CRISP1: variants seen among roughly 807,000 people sequenced by gnomAD.
CRISP1 encodes cysteine rich secretory protein 1.
A neutral mutation model predicts 33.1 loss-of-function variants in CRISP1; 44 were observed. The observed-to-expected ratio is 1.33, with a 90% CI of 1.05 to 1.71. CRISP1 has a LOEUF of 1.71. CRISP1 is among the 40% of genes most tolerant of loss of function. CRISP1 has a pLI of 0.00. For missense variants in CRISP1, 390 were observed against 301.2 expected, an observed-to-expected ratio of 1.29 and a Z score of -2.18; for synonymous variants, 103 against 98.7, an observed-to-expected ratio of 1.04 and a Z score of -0.26.
intron 1 of CRISP1, among the ~76,000 whole-genome samples, chr6:49,864,916 A>G (rs1212362076): frequency 1.3e-5 from 2 of 152,078 alleles, no homozygotes; most frequent in East Asian, 3.9e-4. Context: ...AAATCTAGCT[A>G]ATTTTTATTT....
In CRISP1 at chr6:49,838,427, A is replaced by G. The variant is rs750123837; in HGVS notation, c.622+10T>C. ...TTAACTGTAAACAAACAGAATGCAA[A>G]CAAACTTACTGCAAAGTTTGTCTTC... On this transcript the variant is annotated intron_variant, in intron 7 of 7. Transcript: ENST00000335847. 5.6e-6 allele frequency: 9 copies of G among 1,604,718 alleles called. No individual in the cohort carries two copies. The South Asian group carries it at 7.8e-5, about 14-fold the overall frequency.
At chr6:49,843,008 C>T (rs1023137909) in intron 5 of CRISP1, among the ~76,000 whole-genome samples, 2 of 152,096 alleles carry the variant, frequency 1.3e-5, no homozygotes, top group South Asian at 4.2e-4. Flanking sequence ...AAAGTGACAC[C>T]GATTCACTTT....
intron 7 of CRISP1, among the ~76,000 whole-genome samples, chr6:49,836,774 A>T (rs1280883017): frequency 1.3e-5 from 2 of 152,194 alleles, no homozygotes; most frequent in Non-Finnish European, 2.9e-5. Flanking sequence ...ACTACAGTAG[A>T]TTTATCAAGG....
At chr6:49,835,897 T>A (rs1770774444) in intron 7 of CRISP1, among the ~76,000 whole-genome samples, 1 of 152,200 alleles carries the variant, frequency 6.6e-6, no homozygotes, top group South Asian at 2.1e-4. Flanking sequence ...GCATATATAA[T>A]CTCTCCATCC....
intron 5 of CRISP1, among the ~76,000 whole-genome samples, chr6:49,845,385 A>T (rs1370319147): frequency 6.6e-6 from 1 of 152,194 alleles, no homozygotes; most frequent in Non-Finnish European, 1.5e-5. Context: ...TTAAGATCAT[A>T]GACTTCTAGG....
At chr6:49,863,966 A>G in intron 1 of CRISP1, among the ~76,000 whole-genome samples, 1 of 152,182 alleles carries the variant, frequency 6.6e-6, no homozygotes, top group Non-Finnish European at 1.5e-5. Flanking sequence ...AGTTTGATTG[A>G]TTTACAACTA....
At chr6:49,860,819 A>C (rs1771627150) in intron 1 of CRISP1, among the ~76,000 whole-genome samples, 1 of 152,072 alleles carries the variant, frequency 6.6e-6, no homozygotes, top group Admixed American at 6.5e-5. Flanking sequence ...GGATAAAAAA[A>C]TGTTGATTTT....
intron 5 of CRISP1, among the ~76,000 whole-genome samples, chr6:49,842,622 C>T (rs906930328): frequency 1.3e-5 from 2 of 152,164 alleles, no homozygotes; most frequent in African/African-American, 4.8e-5. Flanking sequence ...TGGGCTTACT[C>T]ACCTTCGCAT....
At chr6:49,848,420 T>A in intron 3 of CRISP1, 121 bp from the exon 4 acceptor site, 3 of 538,328 alleles carry the variant, frequency 5.6e-6, no homozygotes, top group South Asian at 3.2e-5. Context: ...GAAATTTAAA[T>A]AATGAGATTA....
At chr6:49,837,909 A>T (rs1453427817) in intron 7 of CRISP1, among the ~76,000 whole-genome samples, 1 of 152,082 alleles carries the variant, frequency 6.6e-6, no homozygotes, top group East Asian at 1.9e-4. Flanking sequence ...ATTAAAAAAA[A>T]AAAAGAGGCT....
At chr6:49,875,561 G>A (rs1772017221) in intron 1 of CRISP1, among the ~76,000 whole-genome samples, 1 of 151,804 alleles carries the variant, frequency 6.6e-6, no homozygotes, top group South Asian at 2.1e-4. Flanking sequence ...TAAAATGTAT[G>A]TAGAACCAAA....
chr6:49,877,024 T>A (rs1772051586), exon 1 of CRISP1: 1 of 151,852 alleles, frequency 6.6e-6, no homozygotes, highest in Admixed American at 6.6e-5. Context: ...CATGTACCAT[T>A]GAAGTTAAAA....
Position 49,842,698 on chromosome 6 carries a change from G to A in CRISP1, c.436-1703C>T, listed in dbSNP as rs183902129. Among the ~76,000 whole-genome samples the A allele has an allele frequency of 8.3e-4, 126 of 152,056 alleles. 1 individual carries two copies. Among genetic ancestry groups the A allele is most frequent in the Non-Finnish European group, 1.4e-3 (96 of 67,988 alleles). On this transcript the variant is annotated intron_variant, in intron 5 of 7. Transcript: ENST00000335847. ...TATTCTGCTACTTGCCCTTCCCTGC[G>A]CTCAGCTGCTTCTGATTTTTAGAAC...
At position 49,840,921 on chromosome 6, in the gene CRISP1, G is replaced by A; in HGVS notation, c.510C>T (p.Leu170=). 1 of 1,613,616 alleles carries A rather than the reference G, an allele frequency of 6.2e-7. No homozygotes were observed. The highest frequency in any genetic ancestry group is 8.5e-7 in the Non-Finnish European group (1 of 1,179,718). Reference sequence around the variant, plus strand: ...ACTCATGACAATAGTGACAAACGTAGAGATATCGAGGTGATCCTTGTTGGC... The same window carrying A: ...ACTCATGACAATAGTGACAAACGTAAAGATATCGAGGTGATCCTTGTTGGC... ...SCRQQGSPRY[L]YVCHYCHEGN... Residue 170 remains leucine, a synonymous_variant, in exon 6 of 8, where the codon CTC becomes CTT. Transcript: ENST00000335847.
Position 49,875,945 on chromosome 6 carries a change from T to TA in CRISP1, c.-3+1063dup, listed in dbSNP as rs377565898. Reference sequence around the variant, plus strand: ...GTCAAACCCCAAACTACAAAAACCCTAAAAAAAAATCTAGGCAACACCATT... The same window carrying TA: ...GTCAAACCCCAAACTACAAAAACCCTAAAAAAAAAATCTAGGCAACACCATT... On this transcript the variant is annotated intron_variant, in intron 1 of 7. Coordinates refer to the CRISP1 transcript ENST00000505118. 6.1e-4 allele frequency among the ~76,000 whole-genome samples: 92 copies of TA among 150,922 alleles called. No individual in the cohort carries two copies. In the East Asian group the frequency reaches 0.011, roughly 17 times the overall value.
At chr6:49,870,240 G>A (rs985995793), upstream of CRISP1, among the ~76,000 whole-genome samples, 1 of 152,128 alleles carries the variant, frequency 6.6e-6, no homozygotes, top group South Asian at 2.1e-4. Context: ...CAGTTAATTT[G>A]GAATTTGTGT....
chr6:49,857,188 A>G (rs1414379992), intron 2 of CRISP1, 147 bp downstream of exon 2: 2 of 656,326 alleles, frequency 3.0e-6, no homozygotes, highest in Non-Finnish European at 5.2e-6. Flanking sequence ...TAAGATGAGT[A>G]CTTGCCTAAC....
chr6:49,868,901 G>A (rs1376818974), upstream of CRISP1, among the ~76,000 whole-genome samples: 3 of 152,144 alleles, frequency 2.0e-5, no homozygotes, highest in East Asian at 1.9e-4. Context: ...GCCAAAGTCA[G>A]TTTCTGAATT....
chr6:49,861,696 C>T (rs1771658235), intron 1 of CRISP1, among the ~76,000 whole-genome samples: 1 of 152,060 alleles, frequency 6.6e-6, no homozygotes, highest in Non-Finnish European at 1.5e-5. Context: ...CCAGCCTGTG[C>T]AACATGGTGA....
Sources: gnomAD v4.1 joint callset for allele counts (sites outside exome capture counted in the v4.1 genomes callset) on GRCh38, gnomAD v4.1.1 for gene constraint, MANE v1.5 for transcripts, NCBI Gene and HGNC (gene_info 2026-07-23, HGNC 2026-07-21) for gene names.